The following TRPV4 variants were observed in gnomAD, a reference collection of about 807,000 sequenced individuals.
TRPV4 encodes transient receptor potential cation channel subfamily V member 4, also known as OSM9-like transient receptor potential channel 4.
In TRPV4, 58 loss-of-function variants were observed where a neutral mutation model predicts 84.1. The observed-to-expected ratio is 0.69, with a 90% CI of 0.56 to 0.86. The LOEUF is 0.86. Among genes scored for constraint, TRPV4 ranks in the 40% least tolerant of loss-of-function variants. The pLI, the probability that TRPV4 is intolerant of heterozygous loss-of-function variation, is 0.00. For synonymous variants in TRPV4, 489 were observed against 500.9 expected, an observed-to-expected ratio of 0.98 and a Z score of 0.32; for missense variants, 879 against 1,181.1, an observed-to-expected ratio of 0.74 and a Z score of 3.75.
chr12:109,791,557 A>C (rs547303543), intron 12 of TRPV4, among the ~76,000 whole-genome samples: 4 of 125,802 alleles, frequency 3.2e-5, no homozygotes, highest in South Asian at 5.3e-4. Flanking sequence ...ATCTTGGCTT[A>C]CTGCAACCTC....
chr12:109,822,992 G>C (rs1054721582), intron 1 of TRPV4, among the ~76,000 whole-genome samples: 1 of 152,226 alleles, frequency 6.6e-6, no homozygotes, highest in African/African-American at 2.4e-5. Flanking sequence ...AGAGAAGGCA[G>C]AGCGGCCAGA....
At chr12:109,811,701 CTG>C (rs1891529268) in intron 2 of TRPV4, among the ~76,000 whole-genome samples, 1 of 150,754 alleles carries the variant, frequency 6.6e-6, no homozygotes, top group Non-Finnish European at 1.5e-5. Context: ...GAATCAATGA[CTG>C]TGAATAAATA....
At chr12:109,801,581 C>T (rs925757805) in intron 4 of TRPV4, among the ~76,000 whole-genome samples, 14 of 152,174 alleles carry the variant, frequency 9.2e-5, no homozygotes, top group Admixed American at 9.2e-4. Flanking sequence ...AGCCTCTTTC[C>T]TTTATAAATT....
rs371581388 is a variant in TRPV4, at chr12:109,796,720, G to A, written c.1153-16C>T. 1.4e-5 allele frequency: 22 copies of A among 1,602,192 alleles called. No individual in the cohort carries two copies. The highest frequency in any genetic ancestry group is 2.7e-5 in the African/African-American group (2 of 74,764). Reference sequence around the variant, plus strand: ...GCTGAAAGATCTGCACAGGGGGCCAGGAGGGTCAGGGGGCTCACACTGGAA... The same window carrying A: ...GCTGAAAGATCTGCACAGGGGGCCAAGAGGGTCAGGGGGCTCACACTGGAA... On this transcript the variant is annotated splice_polypyrimidine_tract_variant and intron_variant, in intron 6 of 15. Coordinates refer to ENST00000261740, the MANE Select transcript of TRPV4 (RefSeq NM_021625.5). The surrounding 1 kb of genome is among the most constrained non-coding windows in gnomAD (Gnocchi z 4.2).
rs555542137 is a variant in TRPV4, at chr12:109,814,878, C to T, written c.-31-51G>A. 2.2e-4 allele frequency: 328 copies of T among 1,505,012 alleles called. 1 individual carries two copies. The highest frequency in any genetic ancestry group is 1.4e-3 in the Middle Eastern group (6 of 4,296). 93.2% of individuals were successfully genotyped at this position (1,505,012 alleles called of 1,614,324 possible). A position where few individuals can be genotyped will look rare whatever the true frequency, so the allele number is the denominator to read the frequency against. On this transcript the variant is annotated intron_variant, in intron 1 of 15. Transcript: ENST00000261740. This position sits in a 1 kb window ranked among gnomAD's most constrained non-coding sequence, Gnocchi z 5.4. ...GGCAGAACCCGGCCAGGGGCGGGGGCTCCAGGAAGCCCCCTCCCACGTGGA... is the reference window on the plus strand; with the variant it reads ...GGCAGAACCCGGCCAGGGGCGGGGGTTCCAGGAAGCCCCCTCCCACGTGGA...
In TRPV4 at chr12:109,814,655, A is replaced by C; in HGVS notation, c.142T>G (p.Ser48Ala). 6.2e-7 allele frequency: 1 copy of C among 1,613,574 alleles called. No individual in the cohort carries two copies. The highest frequency in any genetic ancestry group is 8.5e-7 in the Non-Finnish European group (1 of 1,179,904). Residue 48 changes from serine to alanine, a missense_variant, in exon 2 of 16, where the codon TCG becomes GCG. Ser to Ala is a moderately conservative substitution (Grantham distance 99, BLOSUM62 1). Transcript: ENST00000261740. This position sits in a 1 kb window ranked among gnomAD's most constrained non-coding sequence, Gnocchi z 5.4. Reference protein sequence around the residue: ...NLFEGEDGSLSPSPADASRPA... With the variant: ...NLFEGEDGSLAPSPADASRPA... The stretch of plus-strand genomic sequence containing the variant: ...CGACTGGCATCAGCCGGTGAGGGCG[A>C]AAGGGAGCCATCCTCCCCCTCAAAC...
intron 3 of TRPV4, among the ~76,000 whole-genome samples, chr12:109,805,518 G>A (rs555600541): frequency 6.6e-6 from 1 of 152,262 alleles, no homozygotes; most frequent in South Asian, 2.1e-4. Flanking sequence ...GCTCTAAATT[G>A]ACAATTGCCA....
rs181177014 is a variant in TRPV4, at chr12:109,800,546, C to G, written c.853+72G>C. ...TGGGTGATGGTCAGGGCTGCAGACA[C>G]CAACCAGTATCATGCTATCTCCCGC... On this transcript the variant is annotated intron_variant, in intron 5 of 15. Transcript: ENST00000261740. 279 of 1,587,694 alleles carry G rather than the reference C, an allele frequency of 1.8e-4. 2 individuals carry two copies. The African/African-American group carries it at 3.3e-3, about 19-fold the overall frequency.
intron 1 of TRPV4, among the ~76,000 whole-genome samples, chr12:109,816,093 C>G (rs1891830752): frequency 6.6e-6 from 1 of 152,252 alleles, no homozygotes; most frequent in South Asian, 2.1e-4. Flanking sequence ...CCTTCCCACC[C>G]AATACGCACG....
chr12:109,784,516 A>G, intron 14 of TRPV4, 79 bp from the exon 15 acceptor site: 7 of 1,604,848 alleles, frequency 4.4e-6, no homozygotes, highest in South Asian at 2.2e-5. Context: ...ACACCCTCCT[A>G]TTTTTTTATT....
chr12:109,792,328 C>A lies in TRPV4; in HGVS notation c.1891+35G>T, dbSNP rs530148090. 2.4e-4 allele frequency: 376 copies of A among 1,599,944 alleles called. 4 individuals are homozygous for A. The South Asian group carries it at 3.9e-3, about 17-fold the overall frequency. ...GGCTACTGTTCCCGTCCTTGCACCA[C>A]CCCTGCCAGGACCACCTGAGCACCC... is the stretch of plus-strand genomic sequence containing the variant. On this transcript the variant is annotated intron_variant, in intron 12 of 15. Coordinates refer to ENST00000261740, the MANE Select transcript of TRPV4 (RefSeq NM_021625.5).
At chr12:109,821,826 C>G (rs1050954257) in intron 1 of TRPV4, among the ~76,000 whole-genome samples, 1 of 152,154 alleles carries the variant, frequency 6.6e-6, no homozygotes, top group African/African-American at 2.4e-5. Flanking sequence ...GCCACCGCAC[C>G]CGGCCTATAT....
Position 109,798,073 on chromosome 12 carries a change from C to T in TRPV4, c.1152+541G>A, listed in dbSNP as rs531142620. ...CCCCAGAGGACAATTCAGCAATGTT[C>T]TGGAGATATTTTTGGTGGTCACAAG... On this transcript the variant is annotated intron_variant, in intron 6 of 15. Coordinates refer to ENST00000261740, the MANE Select transcript of TRPV4 (RefSeq NM_021625.5). This position sits in a 1 kb window ranked among gnomAD's most constrained non-coding sequence, Gnocchi z 5.0. 1.3e-5 allele frequency among the ~76,000 whole-genome samples: 2 copies of T among 152,304 alleles called. No homozygotes were observed. The highest frequency in any genetic ancestry group is 3.9e-4 in the East Asian group (2 of 5,192).
intron 12 of TRPV4, among the ~76,000 whole-genome samples, chr12:109,790,130 G>A (rs1889938873): frequency 2.0e-5 from 3 of 152,202 alleles, no homozygotes; most frequent in Admixed American, 6.5e-5. Flanking sequence ...GCTGTACCCT[G>A]TCCCTATCTC....
At position 109,798,863 on chromosome 12, in the gene TRPV4, G is replaced by C. The variant is rs748103823; in HGVS notation, c.903C>G (p.Val301=). 113 of 1,613,870 alleles carry C rather than the reference G, an allele frequency of 7.0e-5. 2 individuals are homozygous for C. The South Asian group carries it at 1.1e-3, about 15-fold the overall frequency. The change falls in exon 6 of 16, where the codon GTC becomes GTG. Residue 301 remains valine (V), a synonymous_variant. Transcript: ENST00000261740. This position sits in a 1 kb window ranked among gnomAD's most constrained non-coding sequence, Gnocchi z 5.0. ...LAACTNQPHI[V]NYLTENPHKK... ...TGTGGGGGTTCTCCGTCAGGTAGTT[G>C]ACAATGTGGGGCTGGTTGGTGCAGG...
At chr12:109,797,190 CACCCAGG>C (rs1466866188) in intron 6 of TRPV4, among the ~76,000 whole-genome samples, 1 of 152,118 alleles carries the variant, frequency 6.6e-6, no homozygotes, top group African/African-American at 2.4e-5. Context: ...CTCTCTCTGT[CACCCAGG>C]CTGGAGTGCA....
chr12:109,785,978 A>C (rs1592816080), intron 14 of TRPV4, among the ~76,000 whole-genome samples: 1 of 152,012 alleles, frequency 6.6e-6, no homozygotes, highest in African/African-American at 2.4e-5. Flanking sequence ...ACACCACTGC[A>C]CTCCAGCCTG....
In TRPV4 at chr12:109,832,969, G is replaced by C. The variant is rs79857593; in HGVS notation, c.-32+381C>G. On this transcript the variant is annotated intron_variant, in intron 1 of 15. Transcript: ENST00000261740. ...TCCAAATTCCCTCCGACATGCTCAG[G>C]GGCCAAGGGCAAACCTTAGGTCCCC... Among the ~76,000 whole-genome samples, 1,053 of 152,206 alleles carry C rather than the reference G, an allele frequency of 6.9e-3. 18 individuals carry two copies. Among genetic ancestry groups the C allele is most frequent in the African/African-American group, 0.024 (1,012 of 41,540 alleles).
At position 109,792,363 on chromosome 12, in the gene TRPV4, C is replaced by G; in HGVS notation, c.1891G>C (p.Ala631Pro). Reference sequence around the variant, plus strand: ...GACCACCTGAGCACCCAGAGCTCACCTGAAGCGTAGCCGATCATGAAGAGC... The same window carrying G: ...GACCACCTGAGCACCCAGAGCTCACGTGAAGCGTAGCCGATCATGAAGAGC... ...YLLFMIGYAS[A>P]LVSLLNPCAN... is the part of the protein sequence containing the mutation. The change falls in exon 12 of 16, where the codon GCC (alanine) becomes CCC (proline). Residue 631 changes from alanine to proline, a missense_variant and splice_region_variant. This residue lies in a region of TRPV4 where 242 missense variants were observed against 355.3 expected (regional missense o/e 0.68). Coordinates refer to ENST00000261740, the MANE Select transcript of TRPV4 (RefSeq NM_021625.5). 6.2e-7 allele frequency: 1 copy of G among 1,613,422 alleles called. No individual in the cohort carries two copies. The highest frequency in any genetic ancestry group is 2.2e-5 in the East Asian group (1 of 44,860).
Sources: allele counts gnomAD v4.1 joint callset (sites outside exome capture counted in the v4.1 genomes callset), GRCh38; gene constraint gnomAD v4.1.1; regional missense constraint gnomAD v4.1.1; non-coding constraint Gnocchi (gnomAD v3.1); transcripts MANE v1.5; gene names NCBI Gene and HGNC (gene_info 2026-07-23, HGNC 2026-07-21).